Variants in ALB observed in about 807,000 individuals in gnomAD.
ALB encodes serum albumin.
ALB carries 37 observed loss-of-function variants against 74.5 expected under a neutral mutation model. That is an observed-to-expected ratio of 0.50 (90% CI 0.38 to 0.65). The LOEUF (loss-of-function observed/expected upper bound fraction) is 0.65, where lower values mean the gene tolerates loss of function less well. Ranked by LOEUF, ALB falls within the 30% of genes least tolerant of loss-of-function variation. The pLI is 0.00. For synonymous variants in ALB, 249 were observed against 251.6 expected, an observed-to-expected ratio of 0.99 and a Z score of 0.10; for missense variants, 685 against 718.7, an observed-to-expected ratio of 0.95 and a Z score of 0.54.
intron 5 of ALB, 56 bp downstream of exon 5, chr4:73,409,543 T>A (rs1312135241): frequency 1.2e-6 from 2 of 1,611,658 alleles, no homozygotes; most frequent in Non-Finnish European, 1.7e-6. Context: ...ATTTTGTCCA[T>A]TTTGTGGCTA....
In ALB at chr4:73,420,316, T is replaced by C. The variant is rs1719112969; in HGVS notation, c.*18T>C. On this transcript the variant is annotated 3_prime_UTR_variant, in exon 14 of 15. Transcript: ENST00000295897. ...GCTTATAACATCACATTTAAAAGCA[T>C]CTCAGGTAACTATATTTTGAATTTT... 1 of 1,602,248 alleles carries C rather than the reference T, an allele frequency of 6.2e-7. No homozygotes were observed. Among genetic ancestry groups the C allele is most frequent in the African/African-American group, 1.3e-5 (1 of 74,636 alleles).
chr4:73,415,495 C>T (rs1220860200), intron 9 of ALB: 2 of 273,030 alleles, frequency 7.3e-6, no homozygotes, highest in East Asian at 1.8e-4. Context: ...AGTGAGTTAA[C>T]CTGATTCCAG....
At chr4:73,405,940 G>A (rs1312828580) in intron 2 of ALB, among the ~76,000 whole-genome samples, 1 of 151,458 alleles carries the variant, frequency 6.6e-6, no homozygotes, top group Non-Finnish European at 1.5e-5. Context: ...TTTTTTAAAA[G>A]TCTACCTAAT....
At chr4:73,408,526 G>A (rs1410397509) in intron 3 of ALB, 68 bp from the exon 4 acceptor site, 5 of 1,355,854 alleles carry the variant, frequency 3.7e-6, no homozygotes, top group Non-Finnish European at 4.2e-6. Context: ...TAAATCCTTT[G>A]TACTGTTCTT....
chr4:73,415,195 G>C, intron 9 of ALB, 28 bp downstream of exon 9: 1 of 1,612,886 alleles, frequency 6.2e-7, no homozygotes, highest in East Asian at 2.2e-5. Flanking sequence ...AAAAAATGTA[G>C]TTCTTTGACT....
At chr4:73,413,376 C>A in intron 7 of ALB, 44 bp from the exon 8 acceptor site, 2 of 1,521,860 alleles carry the variant, frequency 1.3e-6, no homozygotes, top group Non-Finnish European at 9.1e-7. Flanking sequence ...GAAAGTGTAG[C>A]AATGTCAATT....
chr4:73,416,289 C>A lies in ALB; in HGVS notation c.1225C>A (p.Gln409Lys), dbSNP rs75946332. ...DEFKPLVEEP[Q>K]NLIKQNCELF... ...ATTTAAACCTCTTGTGGAAGAGCCTCAGAATTTAATCAAACAAAATTGTGA... is the reference window on the plus strand; with the variant it reads ...ATTTAAACCTCTTGTGGAAGAGCCTAAGAATTTAATCAAACAAAATTGTGA... The change falls in exon 10 of 15, where the codon CAG (glutamine) becomes AAG (lysine). Residue 409 changes from glutamine to lysine, a missense_variant. Transcript: ENST00000295897. 5.0e-6 allele frequency: 8 copies of A among 1,613,598 alleles called. No individual in the cohort carries two copies. Among genetic ancestry groups the A allele is most frequent in the Middle Eastern group, 1.7e-4 (1 of 6,046 alleles).
At chr4:73,405,653 C>G in intron 2 of ALB, among the ~76,000 whole-genome samples, 1 of 151,704 alleles carries the variant, frequency 6.6e-6, no homozygotes, top group Non-Finnish European at 1.5e-5. Context: ...TGCAGTGGCG[C>G]AATCTCGGCT....
rs1349198453 is a variant in ALB at position 73,406,566 on chromosome 4, C to T, written c.138-63C>T. 8.6e-6 allele frequency: 13 copies of T among 1,508,318 alleles called. No individual in the cohort carries two copies. The African/African-American group carries it at 9.6e-5, about 11-fold the overall frequency. 93.4% of individuals were successfully genotyped at this position (1,508,318 alleles called of 1,614,324 possible). A position where few individuals can be genotyped will look rare whatever the true frequency, so the allele number is the denominator to read the frequency against. ...TACCCATACATGATTTGTTCTCTAG[C>T]GTAGCAACCTGTTACATATTAAAGT... is the stretch of plus-strand genomic sequence containing the variant. On this transcript the variant is annotated intron_variant, in intron 2 of 14. Transcript: ENST00000295897.
chr4:73,413,559 C>T lies in ALB; in HGVS notation c.983C>T (p.Ser328Leu). 1.2e-6 allele frequency: 2 copies of T among 1,614,206 alleles called. No individual in the cohort carries two copies. The highest frequency in any genetic ancestry group is 1.1e-5 in the South Asian group (1 of 91,088). Residue 328 changes from serine (S) to leucine (L), a missense_variant, in exon 8 of 15, where the codon TCA (serine) becomes TTA (leucine). Coordinates refer to ENST00000295897, the MANE Select transcript of ALB (RefSeq NM_000477.7). ...GATGAGATGCCTGCTGACTTGCCTT[C>T]ATTAGCTGCTGATTTTGTTGAAAGT... ...ENDEMPADLP[S>L]LAADFVESKD... is the part of the protein sequence containing the mutation.
At chr4:73,412,225 T>C (rs1718896249) in intron 7 of ALB, 100 bp downstream of exon 7, 6 of 1,425,134 alleles carry the variant, frequency 4.2e-6, no homozygotes, top group Non-Finnish European at 5.9e-6. Flanking sequence ...GGGTTGAGAT[T>C]GTCTTCTGTG....
In ALB at chr4:73,419,587, T is replaced by C; in HGVS notation, c.1733T>C (p.Phe578Ser). Residue 578 changes from phenylalanine (F) to serine (S), a missense_variant, in exon 13 of 15, where the codon TTT (phenylalanine) becomes TCT (serine). By Grantham distance (155) the Phe-to-Ser change is radical. Coordinates refer to ENST00000295897, the MANE Select transcript of ALB (RefSeq NM_000477.7). ...GCTGTTATGGATGATTTCGCAGCTT[T>C]TGTAGAGAAGTGCTGCAAGGCTGAC... ...LKAVMDDFAA[F>S]VEKCCKADDK... The C allele has an allele frequency of 6.2e-7, 1 of 1,614,020 alleles. No individual in the cohort carries two copies. Among genetic ancestry groups the C allele is most frequent in the Non-Finnish European group, 8.5e-7 (1 of 1,179,968 alleles).
In ALB at chr4:73,409,348, A is replaced by C; in HGVS notation, c.483-7A>C. The C allele has an allele frequency of 1.2e-6, 2 of 1,612,950 alleles. No individual in the cohort carries two copies. The highest frequency in any genetic ancestry group is 2.2e-5 in the South Asian group (2 of 90,866). On this transcript the variant is annotated splice_polypyrimidine_tract_variant and splice_region_variant and intron_variant, in intron 4 of 14. Transcript: ENST00000295897. ...AAAAGTGACTGTTTTTCTTTTTCAA[A>C]ATTTAGATACTTATATGAAATTGCC...
Position 73,410,348 on chromosome 4 carries a change from G to A in ALB, c.652G>A (p.Ala218Thr). The A allele has an allele frequency of 6.2e-7, 1 of 1,613,840 alleles. No homozygotes were observed. The highest frequency in any genetic ancestry group is 1.1e-5 in the South Asian group (1 of 91,070). Reference protein sequence around the residue: ...ELRDEGKASSAKQRLKCASLQ... With the variant: ...ELRDEGKASSTKQRLKCASLQ... ...TCGGGATGAAGGGAAGGCTTCGTCTGCCAAACAGAGACTCAAGTGTGCCAG... is the reference window on the plus strand; with the variant it reads ...TCGGGATGAAGGGAAGGCTTCGTCTACCAAACAGAGACTCAAGTGTGCCAG... Residue 218 changes from alanine (A) to threonine (T), a missense_variant, in exon 6 of 15, where the codon GCC becomes ACC. Transcript: ENST00000295897.
intron 1 of ALB, 105 bp downstream of exon 1, chr4:73,404,511 C>T (rs1044205877): frequency 3.2e-6 from 3 of 951,022 alleles, no homozygotes; most frequent in Admixed American, 3.8e-5. Context: ...GCATTTATTT[C>T]TAAAATGGCA....
intron 5 of ALB, among the ~76,000 whole-genome samples, chr4:73,409,975 G>A (rs1718831651): frequency 6.6e-6 from 1 of 152,040 alleles, no homozygotes; most frequent in African/African-American, 2.4e-5. Flanking sequence ...AGACTGAAAT[G>A]AATTATACAC....
chr4:73,420,822 T>C (rs1000474352), intron 14 of ALB: 1 of 373,962 alleles, frequency 2.7e-6, no homozygotes, highest in Non-Finnish European at 4.8e-6. Context: ...CTGTGAACTT[T>C]ATAGTGAAGA....
rs1719014484 is a variant in ALB, at chr4:73,416,362, T to C, written c.1289+9T>C. ...TACAAATTCCAGAATGCGTAAGTAA[T>C]TTTTATTGACTGATTTTTTTTATCA... On this transcript the variant is annotated intron_variant, in intron 10 of 14. Coordinates refer to ENST00000295897, the MANE Select transcript of ALB (RefSeq NM_000477.7). 1.3e-6 allele frequency: 2 copies of C among 1,596,474 alleles called. No individual in the cohort carries two copies. The highest frequency in any genetic ancestry group is 2.7e-5 in the African/African-American group (2 of 74,430).
Position 73,419,613 on chromosome 4 carries a change from G to T in ALB, c.1759G>T (p.Asp587Tyr), listed in dbSNP as rs76587671. The change falls in exon 13 of 15, where the codon GAT becomes TAT. Residue 587 changes from aspartate (D) to tyrosine (Y), a missense_variant. Coordinates refer to ENST00000295897, the MANE Select transcript of ALB (RefSeq NM_000477.7). ...TGTAGAGAAGTGCTGCAAGGCTGAC[G>T]ATAAGGAGACCTGCTTTGCCGAGGA... ...AFVEKCCKAD[D>Y]KETCFAEEGK... 6.2e-7 allele frequency: 1 copy of T among 1,614,004 alleles called. No individual in the cohort carries two copies. The highest frequency in any genetic ancestry group is 1.3e-5 in the African/African-American group (1 of 75,018).
Sources: gnomAD v4.1 joint callset for allele counts (sites outside exome capture counted in the v4.1 genomes callset) on GRCh38, gnomAD v4.1.1 for gene constraint, MANE v1.5 for transcripts, NCBI Gene and HGNC (gene_info 2026-07-23, HGNC 2026-07-21) for gene names.